Variants in FGF12 observed in about 807,000 individuals in gnomAD.
The protein encoded by FGF12 is fibroblast growth factor 12B.
In FGF12, 14 loss-of-function variants were observed where a neutral mutation model predicts 23.6. The observed-to-expected ratio is 0.59, with a 90% CI of 0.39 to 0.93. FGF12 has a LOEUF of 0.93. Among genes scored for constraint, FGF12 ranks in the 40% least tolerant of loss-of-function variants. The pLI, the probability that FGF12 is intolerant of heterozygous loss-of-function variation, is 0.00. For synonymous variants in FGF12, 62 were observed against 77.3 expected, an observed-to-expected ratio of 0.80 and a Z score of 1.04; for missense variants, 175 against 217.8, an observed-to-expected ratio of 0.80 and a Z score of 1.24.
chr3:192,314,608 T>A (rs1255039898), intron 4 of FGF12, among the ~76,000 whole-genome samples: 1 of 152,200 alleles, frequency 6.6e-6, no homozygotes, highest in Non-Finnish European at 1.5e-5. Context: ...TAAATGTCTA[T>A]CTTTAGACTT....
At chr3:192,661,076 G>A (rs913147069) in intron 2 of FGF12, among the ~76,000 whole-genome samples, 3 of 152,046 alleles carry the variant, frequency 2.0e-5, no homozygotes, top group African/African-American at 7.2e-5. Flanking sequence ...CGCTTGTTAA[G>A]GTTAGGGATG....
At chr3:192,629,638 C>A (rs1239531072) in intron 2 of FGF12, among the ~76,000 whole-genome samples, 3 of 151,670 alleles carry the variant, frequency 2.0e-5, no homozygotes, top group Non-Finnish European at 4.4e-5. Flanking sequence ...AAAGAGTGTG[C>A]CAATAAACTT....
At chr3:192,531,542 A>AT (rs1372769059) in intron 2 of FGF12, among the ~76,000 whole-genome samples, 17 of 151,556 alleles carry the variant, frequency 1.1e-4, no homozygotes, top group East Asian at 3.9e-4. Context: ...AGGTTTGGGT[A>AT]TTTTTTTTTC....
chr3:192,362,429 G>A (rs1441514671), intron 2 of FGF12, among the ~76,000 whole-genome samples: 2 of 143,876 alleles, frequency 1.4e-5, no homozygotes, highest in African/African-American at 2.6e-5. Context: ...GATGTTCTCC[G>A]CCCTGTGTCC....
chr3:192,519,414 G>A (rs554949380), intron 2 of FGF12, among the ~76,000 whole-genome samples: 10 of 152,192 alleles, frequency 6.6e-5, no homozygotes, highest in South Asian at 2.1e-4. Context: ...TGCCATAGAA[G>A]TGATGTTGTA....
chr3:192,582,532 G>GA (rs1199388063), intron 2 of FGF12, among the ~76,000 whole-genome samples: 1 of 152,120 alleles, frequency 6.6e-6, no homozygotes, highest in African/African-American at 2.4e-5. Context: ...AAAGAGAAAT[G>GA]AAAAGAAAAC....
chr3:192,358,878 C>T (rs1050720780), intron 3 of FGF12, among the ~76,000 whole-genome samples: 3 of 152,068 alleles, frequency 2.0e-5, no homozygotes, highest in African/African-American at 7.2e-5. Context: ...GATATATCAT[C>T]ACCATCTCCA....
At chr3:192,183,785 C>T (rs189836767) in intron 4 of FGF12, among the ~76,000 whole-genome samples, 134 of 152,270 alleles carry the variant, frequency 8.8e-4, no homozygotes, top group Non-Finnish European at 1.8e-3. Context: ...AAGGAATTAA[C>T]CCGATCAAGA....
chr3:192,343,871 T>C (rs1401151170), intron 3 of FGF12, among the ~76,000 whole-genome samples: 1 of 152,222 alleles, frequency 6.6e-6, no homozygotes, highest in East Asian at 1.9e-4. Context: ...TAAACAATTG[T>C]TGTTACTGAA....
intron 2 of FGF12, among the ~76,000 whole-genome samples, chr3:192,520,230 C>G (rs1353285507): frequency 6.6e-6 from 1 of 151,828 alleles, no homozygotes; most frequent in African/African-American, 2.4e-5. Context: ...TCATGTAGAG[C>G]TAGAGATAGA....
chr3:192,315,286 C>CT (rs1002968223), intron 4 of FGF12, among the ~76,000 whole-genome samples: 3 of 152,026 alleles, frequency 2.0e-5, no homozygotes, highest in Non-Finnish European at 4.4e-5. Context: ...TGTTTTATGT[C>CT]TTTTTTCTCA....
chr3:192,687,085 T>A (rs1717773264), intron 2 of FGF12, among the ~76,000 whole-genome samples: 2 of 150,154 alleles, frequency 1.3e-5, no homozygotes, highest in Admixed American at 1.3e-4. Context: ...CGCCTTGGCC[T>A]CCCAAAGTGC....
chr3:192,363,756 C>G (rs1718849615), intron 2 of FGF12, among the ~76,000 whole-genome samples: 1 of 152,038 alleles, frequency 6.6e-6, no homozygotes, highest in South Asian at 2.1e-4. Flanking sequence ...ATGAGGAAAA[C>G]CAGAACATGT....
At chr3:192,285,528 T>C (rs1714401324) in intron 4 of FGF12, among the ~76,000 whole-genome samples, 5 of 152,070 alleles carry the variant, frequency 3.3e-5, no homozygotes, top group Admixed American at 1.3e-4. Flanking sequence ...TAAATAAGCA[T>C]TTTTCTAAGA....
chr3:192,218,079 C>A (rs1044896828), intron 4 of FGF12, among the ~76,000 whole-genome samples: 2 of 152,148 alleles, frequency 1.3e-5, no homozygotes, highest in Non-Finnish European at 2.9e-5. Context: ...TCAGGTGGCC[C>A]ACGTCGGCCT....
intron 2 of FGF12, among the ~76,000 whole-genome samples, chr3:192,613,006 AAC>A (rs1714606464): frequency 6.6e-6 from 1 of 151,590 alleles, no homozygotes; most frequent in Non-Finnish European, 1.5e-5. Flanking sequence ...TAATCCTGAA[AAC>A]ACACGCTGGT....
intron 2 of FGF12, among the ~76,000 whole-genome samples, chr3:192,365,061 A>G (rs1404830884): frequency 1.3e-5 from 2 of 152,170 alleles, no homozygotes; most frequent in African/African-American, 4.8e-5. Context: ...TGCCCGTTAA[A>G]TAATGTTCTA....
intron 4 of FGF12, among the ~76,000 whole-genome samples, chr3:192,276,506 A>G (rs7620771): frequency 0.036 from 5,441 of 152,224 alleles, 319 homozygotes; most frequent in African/African-American, 0.12. Flanking sequence ...GCCTTATGAG[A>G]AAATGATTCT....
chr3:192,246,800 G>A (rs2108600838), intron 4 of FGF12, among the ~76,000 whole-genome samples: 1 of 147,718 alleles, frequency 6.8e-6, no homozygotes, highest in East Asian at 2.0e-4. Flanking sequence ...ACTCCAGCCT[G>A]GGTGACAAGA....
Sources: gnomAD v4.1 joint callset for allele counts (sites outside exome capture counted in the v4.1 genomes callset) on GRCh38, gnomAD v4.1.1 for gene constraint, MANE v1.5 for transcripts, NCBI Gene and HGNC (gene_info 2026-07-23, HGNC 2026-07-21) for gene names.